The following DENND5B variants were observed in gnomAD, a reference collection of about 807,000 sequenced individuals.
DENND5B encodes DENN domain containing 5B, also known as DENN domain-containing protein 5B.
DENND5B carries 34 observed loss-of-function variants against 140.6 expected under a neutral mutation model. The ratio of observed to expected loss-of-function variants is 0.24; its 90% CI spans 0.18 to 0.32. DENND5B has a LOEUF of 0.32. Among genes scored for constraint, DENND5B ranks in the 10% least tolerant of loss-of-function variants. The pLI is 1.00. For missense variants in DENND5B, 1,142 were observed against 1,560.2 expected (o/e 0.73, Z 4.52); for synonymous variants, 551 against 562.1 (o/e 0.98, Z 0.28).
At chr12:31,541,997 A>G (rs1349978814) in intron 1 of DENND5B, among the ~76,000 whole-genome samples, 1 of 152,196 alleles carries the variant, frequency 6.6e-6, no homozygotes, top group African/African-American at 2.4e-5. Flanking sequence ...GCTAAAAATT[A>G]AAACAACTGG....
At chr12:31,394,843 G>C (rs1436665458) in intron 17 of DENND5B, among the ~76,000 whole-genome samples, 2 of 152,018 alleles carry the variant, frequency 1.3e-5, no homozygotes, top group African/African-American at 4.8e-5. Context: ...TCGATCTGCT[G>C]ACCTTGTGAT....
chr12:31,415,292 G>T, intron 12 of DENND5B, 75 bp downstream of exon 12: 3 of 1,139,864 alleles, frequency 2.6e-6, no homozygotes, highest in Non-Finnish European at 3.7e-6. Flanking sequence ...ATAATCATTT[G>T]AGCAATTTAG....
chr12:31,524,158 C>CTT (rs1948004328), intron 1 of DENND5B, among the ~76,000 whole-genome samples: 1 of 146,558 alleles, frequency 6.8e-6, no homozygotes, highest in Non-Finnish European at 1.5e-5. Context: ...CAGTAGTAAA[C>CTT]ATAGGGCTAA....
intron 3 of DENND5B, among the ~76,000 whole-genome samples, chr12:31,461,710 G>T (rs1458726287): frequency 6.6e-6 from 1 of 152,182 alleles, no homozygotes; most frequent in African/African-American, 2.4e-5. Flanking sequence ...TTTTGCTGAT[G>T]AATGAGTTAC....
At chr12:31,550,312 G>C (rs1334120179) in intron 1 of DENND5B, among the ~76,000 whole-genome samples, 2 of 148,314 alleles carry the variant, frequency 1.3e-5, no homozygotes, top group Non-Finnish European at 3.0e-5. Context: ...AGAACATGTG[G>C]TGTTTGGTTT....
At chr12:31,569,802 ACT>A (rs1006792451) in intron 1 of DENND5B, among the ~76,000 whole-genome samples, 7 of 151,926 alleles carry the variant, frequency 4.6e-5, no homozygotes, top group African/African-American at 1.2e-4. Flanking sequence ...ACAGAGTGAG[ACT>A]CTGTCTCAAA....
rs1052637360 is a variant in DENND5B, at chr12:31,382,424, A to G, written c.*5179T>C. ...CTGATGCATTTTGCTAACAATACAA[A>G]GAAAAACAATATAATTTAAATTCAG... is the stretch of plus-strand genomic sequence containing the variant. On this transcript the variant is annotated 3_prime_UTR_variant, in exon 21 of 21. Transcript: ENST00000389082. The G allele has an allele frequency of 6.6e-6, 1 of 152,220 alleles. No individual in the cohort carries two copies. The highest frequency in any genetic ancestry group is 2.4e-5 in the African/African-American group (1 of 41,468). The allele number at this position is 152,220 out of a possible 1,614,324, so 9.4% of individuals were successfully genotyped here. A position where few individuals can be genotyped will look rare whatever the true frequency, so the allele number is the denominator to read the frequency against.
intron 2 of DENND5B, 124 bp from the exon 3 acceptor site, chr12:31,480,379 G>C: frequency 3.5e-6 from 3 of 851,848 alleles, no homozygotes; most frequent in Non-Finnish European, 5.1e-6. Flanking sequence ...TTTAATATTC[G>C]CAATAGCCTT....
At chr12:31,389,589 C>A in intron 19 of DENND5B, 91 bp from the exon 20 acceptor site, 1 of 1,279,074 alleles carries the variant, frequency 7.8e-7, no homozygotes. Flanking sequence ...GAAACACTAA[C>A]GATGCTTTGC....
rs1200916364 is a variant in DENND5B, at chr12:31,384,037, T to G, written c.*3566A>C. 2 of 152,194 alleles carry G rather than the reference T, an allele frequency of 1.3e-5. No homozygotes were observed. Among genetic ancestry groups the G allele is most frequent in the Non-Finnish European group, 2.9e-5 (2 of 68,036 alleles). The allele number at this position is 152,194 out of a possible 1,614,324, so 9.4% of individuals were successfully genotyped here. On this transcript the variant is annotated 3_prime_UTR_variant, in exon 21 of 21. Coordinates refer to ENST00000389082, the MANE Select transcript of DENND5B (RefSeq NM_144973.4). ...AAAGCAATGTATTAATTTAAAAAATTACCACAGCAGAAAAGATGCCTCTAT... is the reference window on the plus strand; with the variant it reads ...AAAGCAATGTATTAATTTAAAAAATGACCACAGCAGAAAAGATGCCTCTAT...
At chr12:31,571,492 TA>T (rs34586957) in intron 1 of DENND5B, among the ~76,000 whole-genome samples, 28,685 of 149,486 alleles carry the variant, frequency 0.19, 3,682 homozygotes, top group Admixed American at 0.39. Context: ...GATTTGGGTT[TA>T]AAAAAAAAAA....
chr12:31,407,125 TTA>T, intron 14 of DENND5B, among the ~76,000 whole-genome samples: 1 of 151,662 alleles, frequency 6.6e-6, no homozygotes, highest in Non-Finnish European at 1.5e-5. Flanking sequence ...AATTAATTAA[TTA>T]ATTTATTTAT....
At chr12:31,527,070 TAATA>T (rs1322642171) in intron 1 of DENND5B, among the ~76,000 whole-genome samples, 2 of 151,940 alleles carry the variant, frequency 1.3e-5, no homozygotes, top group Non-Finnish European at 2.9e-5. Context: ...ACAATAAACA[TAATA>T]AATAAGTTAC....
intron 2 of DENND5B, among the ~76,000 whole-genome samples, chr12:31,487,617 G>T (rs11051446): frequency 0.4 from 61,440 of 151,846 alleles, 12,938 homozygotes; most frequent in East Asian, 0.57. Context: ...CACGAGAATC[G>T]CATGAATCCG....
intron 12 of DENND5B, 71 bp downstream of exon 12, chr12:31,415,296 A>C: frequency 8.4e-7 from 1 of 1,191,030 alleles, no homozygotes; most frequent in Non-Finnish European, 1.2e-6. Context: ...TCATTTGAGC[A>C]ATTTAGTTAA....
intron 3 of DENND5B, among the ~76,000 whole-genome samples, chr12:31,471,955 T>C (rs1459429700): frequency 6.6e-6 from 1 of 152,088 alleles, no homozygotes; most frequent in Non-Finnish European, 1.5e-5. Context: ...AAATTCCAAG[T>C]GGAACACCCC....
At chr12:31,439,766 A>G (rs1185269846) in intron 7 of DENND5B, among the ~76,000 whole-genome samples, 1 of 151,862 alleles carries the variant, frequency 6.6e-6, no homozygotes, top group Non-Finnish European at 1.5e-5. Flanking sequence ...CCTGTCTCTA[A>G]TAAAAAAATA....
chr12:31,424,490 G>A, intron 10 of DENND5B, 45 bp downstream of exon 10: 2 of 1,535,004 alleles, frequency 1.3e-6, no homozygotes, highest in South Asian at 2.6e-5. Context: ...TTTCTTAACA[G>A]GGCTCTTAAC....
At chr12:31,544,321 A>G (rs1948781690) in intron 1 of DENND5B, among the ~76,000 whole-genome samples, 1 of 152,182 alleles carries the variant, frequency 6.6e-6, no homozygotes. Context: ...TCACTCTGTC[A>G]CCCATGCTGC....
Sources: gnomAD v4.1 joint callset for allele counts (sites outside exome capture counted in the v4.1 genomes callset) on GRCh38, gnomAD v4.1.1 for gene constraint, MANE v1.5 for transcripts, NCBI Gene and HGNC (gene_info 2026-07-23, HGNC 2026-07-21) for gene names.